The following EXOC2 variants were observed in gnomAD, a reference collection of about 807,000 sequenced individuals.
The protein encoded by EXOC2 is exocyst complex component 2, also known as SEC5-like 1.
In EXOC2, 70 loss-of-function variants were observed where a neutral mutation model predicts 131.8. That is an observed-to-expected ratio of 0.53 (90% confidence interval 0.44 to 0.65). The LOEUF (loss-of-function observed/expected upper bound fraction) is 0.65. Ranked by LOEUF, EXOC2 falls within the 30% of genes least tolerant of loss-of-function variation. The pLI, the probability that EXOC2 is intolerant of heterozygous loss-of-function variation, is 0.00. For missense variants in EXOC2, 923 were observed against 1,108.6 expected (o/e 0.83, Z 2.38); for synonymous variants, 411 against 398.4 (o/e 1.03, Z -0.38).
Position 506,540 on chromosome 6 carries a change from T to C in EXOC2, c.2381-6840A>G, listed in dbSNP as rs1764545928. On this transcript the variant is annotated intron_variant, in intron 23 of 27. Coordinates refer to ENST00000230449, the MANE Select transcript of EXOC2 (RefSeq NM_018303.6). This position sits in a 1 kb window ranked among gnomAD's most constrained non-coding sequence, Gnocchi z 4.4. ...AATAAACCCCCACAACTTTCCATGT[T>C]GTTCAAGCGAGGGAATGAGAAACAG... Among the ~76,000 whole-genome samples, 1 of 152,220 alleles carries C rather than the reference T, an allele frequency of 6.6e-6. No homozygotes were observed. Among genetic ancestry groups the C allele is most frequent in the African/African-American group, 2.4e-5 (1 of 41,454 alleles).
Position 497,540 on chromosome 6 carries a change from T to C in EXOC2, c.2437-51A>G, listed in dbSNP as rs140181686. On this transcript the variant is annotated intron_variant, in intron 24 of 27. Transcript: ENST00000230449. The stretch of plus-strand genomic sequence containing the variant: ...GCTTTGTGGGGCTTTTTGACTTGAA[T>C]TTGTTAAAGACAAAGTTAACATTCA... The C allele has an allele frequency of 3.6e-3, 5,643 of 1,564,232 alleles. 22 individuals are homozygous for C. Among genetic ancestry groups the C allele is most frequent in the Non-Finnish European group, 4.5e-3 (5,236 of 1,156,818 alleles).
At chr6:517,162 G>C (rs1263091150) in intron 23 of EXOC2, among the ~76,000 whole-genome samples, 1 of 152,106 alleles carries the variant, frequency 6.6e-6, no homozygotes, top group Non-Finnish European at 1.5e-5. Context: ...AGTGTGGAAA[G>C]AAATAAAAGA....
intron 6 of EXOC2, among the ~76,000 whole-genome samples, chr6:615,373 A>G (rs1760942474): frequency 6.6e-6 from 1 of 152,166 alleles, no homozygotes; most frequent in South Asian, 2.1e-4. Context: ...ATCCATGCCT[A>G]AAAGTGTTGA....
intron 1 of EXOC2, among the ~76,000 whole-genome samples, chr6:643,902 C>T (rs1315348195): frequency 6.6e-6 from 1 of 152,054 alleles, no homozygotes; most frequent in Non-Finnish European, 1.5e-5. Context: ...CAATGAACAG[C>T]TTTATGCTGA....
At chr6:503,675 A>G (rs1473751103) in intron 23 of EXOC2, among the ~76,000 whole-genome samples, 1 of 152,210 alleles carries the variant, frequency 6.6e-6, no homozygotes, top group Non-Finnish European at 1.5e-5. Context: ...TTAAACGGTT[A>G]AAGAATAGTA....
chr6:572,287 C>T (rs576400971), intron 13 of EXOC2, among the ~76,000 whole-genome samples: 41 of 152,300 alleles, frequency 2.7e-4, no homozygotes, highest in Non-Finnish European at 5.4e-4. Flanking sequence ...CTACAACCAC[C>T]TTTTGAGACA....
At chr6:678,619 G>A (rs535625221) in intron 1 of EXOC2, among the ~76,000 whole-genome samples, 1 of 152,204 alleles carries the variant, frequency 6.6e-6, no homozygotes, top group Non-Finnish European at 1.5e-5. Context: ...TAAGAAAGAT[G>A]AAAGCAGCAG....
intron 1 of EXOC2, chr6:656,170 G>T (rs1242553903): frequency 1.2e-5 from 20 of 1,614,132 alleles, no homozygotes; most frequent in Non-Finnish European, 1.7e-5. Flanking sequence ...AGCTGAAGAA[G>T]AGTATTGTCC....
intron 23 of EXOC2, among the ~76,000 whole-genome samples, chr6:507,545 TA>T (rs1163237359): frequency 6.6e-6 from 1 of 152,110 alleles, no homozygotes; most frequent in East Asian, 1.9e-4. Context: ...CAGCAAAGCT[TA>T]CATGAGAAAG....
chr6:649,159 G>T (rs141810787), intron 1 of EXOC2, among the ~76,000 whole-genome samples: 49 of 152,210 alleles, frequency 3.2e-4, no homozygotes, highest in African/African-American at 1.2e-3. Context: ...AGAGTAGCTG[G>T]AACTACAGGC....
chr6:643,127 C>G (rs1161423699), intron 1 of EXOC2, among the ~76,000 whole-genome samples: 1 of 152,112 alleles, frequency 6.6e-6, no homozygotes, highest in Non-Finnish European at 1.5e-5. Flanking sequence ...TAAACAAAAA[C>G]TGATTGATAG....
At chr6:493,981 C>A (rs1415784216) in intron 25 of EXOC2, among the ~76,000 whole-genome samples, 1 of 152,130 alleles carries the variant, frequency 6.6e-6, no homozygotes, top group African/African-American at 2.4e-5. Flanking sequence ...AGGGCGGATG[C>A]CTGTTAAAAT....
At chr6:495,127 C>CTTTTT (rs11335527) in intron 25 of EXOC2, among the ~76,000 whole-genome samples, 1 of 119,622 alleles carries the variant, frequency 8.4e-6, no homozygotes, top group Non-Finnish European at 1.8e-5. Flanking sequence ...GGTGAACATT[C>CTTTTT]TTTTTTTTTT....
At chr6:591,207 A>G (rs956686741) in intron 11 of EXOC2, among the ~76,000 whole-genome samples, 5 of 151,928 alleles carry the variant, frequency 3.3e-5, no homozygotes, top group African/African-American at 1.2e-4. Context: ...TCCACCCACT[A>G]TGGGCGGCCA....
At position 656,840 on chromosome 6, in the gene EXOC2, G is replaced by A. The variant is rs374913179; in HGVS notation, c.-43-18979C>T. The A allele has an allele frequency of 1.9e-5, 30 of 1,610,756 alleles. No homozygotes were observed. In the African/African-American group the frequency reaches 3.3e-4, roughly 18 times the overall value. ...CGGGGCCGAAGCACAGGCTGTCAGG[G>A]CGCACGCGGAGCACGCAGACCTTCG... On this transcript the variant is annotated intron_variant, in intron 1 of 27. Coordinates refer to ENST00000230449, the MANE Select transcript of EXOC2 (RefSeq NM_018303.6).
intron 23 of EXOC2, among the ~76,000 whole-genome samples, chr6:530,140 GT>G (rs1765992992): frequency 6.6e-6 from 1 of 152,150 alleles, no homozygotes; most frequent in Admixed American, 6.5e-5. Flanking sequence ...AATATCCACC[GT>G]GTACTGTTTA....
chr6:683,864 G>C (rs1280601185), intron 1 of EXOC2, among the ~76,000 whole-genome samples: 2 of 152,208 alleles, frequency 1.3e-5, no homozygotes, highest in Admixed American at 6.5e-5. Flanking sequence ...TGAGCCGTGA[G>C]GGATTAAGCA....
chr6:624,573 A>C (rs1761456203), intron 4 of EXOC2, among the ~76,000 whole-genome samples: 1 of 152,192 alleles, frequency 6.6e-6, no homozygotes, highest in Admixed American at 6.5e-5. Flanking sequence ...GTTCCAGATG[A>C]GGAAATGGCC....
At chr6:607,881 G>T (rs1760504245) in intron 7 of EXOC2, among the ~76,000 whole-genome samples, 1 of 151,952 alleles carries the variant, frequency 6.6e-6, no homozygotes, top group African/African-American at 2.4e-5. Flanking sequence ...TCAAAAGAAA[G>T]TGTCAAAACT....
Sources: allele counts gnomAD v4.1 joint callset (sites outside exome capture counted in the v4.1 genomes callset), GRCh38; gene constraint gnomAD v4.1.1; non-coding constraint Gnocchi (gnomAD v3.1); transcripts MANE v1.5; gene names NCBI Gene and HGNC (gene_info 2026-07-23, HGNC 2026-07-21).